Variants in CNTN5 observed in about 807,000 individuals in gnomAD.
CNTN5 encodes contactin-5.
In CNTN5, 77 loss-of-function variants were observed where a neutral mutation model predicts 129.1. The ratio of observed to expected loss-of-function variants is 0.60; its 90% CI spans 0.50 to 0.72. CNTN5 has a LOEUF of 0.72. Among genes scored for constraint, CNTN5 ranks in the 30% least tolerant of loss-of-function variants. CNTN5 has a pLI of 0.00. For missense variants in CNTN5, 1,478 were observed against 1,328.8 expected, an observed-to-expected ratio of 1.11 and a Z score of -1.75; for synonymous variants, 509 against 465.6, an observed-to-expected ratio of 1.09 and a Z score of -1.20.
intron 3 of CNTN5, among the ~76,000 whole-genome samples, chr11:99,603,494 G>T: frequency 6.0e-5 from 1 of 16,696 alleles, no homozygotes; most frequent in Non-Finnish European, 1.1e-4. Context: ...AAAGTGATGT[G>T]GAGAATGGAA....
At chr11:99,177,226 C>G (rs1040066850) in intron 1 of CNTN5, among the ~76,000 whole-genome samples, 1 of 152,138 alleles carries the variant, frequency 6.6e-6, no homozygotes, top group African/African-American at 2.4e-5. Context: ...TACTTCTGGT[C>G]CCTTCCTTGC....
intron 2 of CNTN5, among the ~76,000 whole-genome samples, chr11:99,458,606 C>A (rs1278875598): frequency 6.6e-6 from 1 of 151,888 alleles, no homozygotes; most frequent in South Asian, 2.1e-4. Flanking sequence ...CTCTGAAAAC[C>A]GATTTCCTTA....
At chr11:99,406,895 G>T (rs1335402961) in intron 2 of CNTN5, among the ~76,000 whole-genome samples, 1 of 152,082 alleles carries the variant, frequency 6.6e-6, no homozygotes, top group Non-Finnish European at 1.5e-5. Context: ...TGGCCCAAGG[G>T]CTCTTTATTC....
chr11:99,462,338 T>C (rs1370286095), intron 2 of CNTN5, among the ~76,000 whole-genome samples: 1 of 138,474 alleles, frequency 7.2e-6, no homozygotes, highest in South Asian at 2.4e-4. Flanking sequence ...TCTTTCTTTT[T>C]TTTCTTTTTT....
chr11:99,116,647 ATAGAG>A (rs1858060327), intron 1 of CNTN5, among the ~76,000 whole-genome samples: 1 of 152,196 alleles, frequency 6.6e-6, no homozygotes, highest in Non-Finnish European at 1.5e-5. Flanking sequence ...GAATGAGTTT[ATAGAG>A]TAGAGGGACA....
intron 2 of CNTN5, among the ~76,000 whole-genome samples, chr11:99,416,304 G>A (rs1319397780): frequency 6.6e-6 from 1 of 151,812 alleles, no homozygotes; most frequent in Non-Finnish European, 1.5e-5. Context: ...TTGAGACAAG[G>A]TTTTGTTCTG....
At chr11:99,279,064 A>G (rs1863578461) in intron 1 of CNTN5, among the ~76,000 whole-genome samples, 1 of 151,826 alleles carries the variant, frequency 6.6e-6, no homozygotes. Flanking sequence ...ATAAAAACAT[A>G]TACTTTGCGA....
intron 2 of CNTN5, among the ~76,000 whole-genome samples, chr11:99,359,938 T>C (rs1207122016): frequency 2.0e-5 from 3 of 152,188 alleles, no homozygotes; most frequent in African/African-American, 7.2e-5. Flanking sequence ...TCAAAGTACA[T>C]GAGGGGATGG....
chr11:100,355,909 C>T (rs1952511912), intron 24 of CNTN5, among the ~76,000 whole-genome samples: 1 of 151,616 alleles, frequency 6.6e-6, no homozygotes, highest in Non-Finnish European at 1.5e-5. Flanking sequence ...ATGACATCAC[C>T]TTTTCAATAC....
intron 21 of CNTN5, among the ~76,000 whole-genome samples, chr11:100,333,185 G>GA: frequency 6.6e-6 from 1 of 151,760 alleles, no homozygotes; most frequent in Non-Finnish European, 1.5e-5. Context: ...TACAATAGCT[G>GA]AAAAAAATAA....
At chr11:100,115,373 A>G (rs1033676167) in intron 13 of CNTN5, among the ~76,000 whole-genome samples, 1 of 152,126 alleles carries the variant, frequency 6.6e-6, no homozygotes, top group African/African-American at 2.4e-5. Context: ...ACATTTATTG[A>G]GTGACTATTA....
chr11:99,761,822 T>C (rs1476346180), intron 3 of CNTN5, among the ~76,000 whole-genome samples: 1 of 100,506 alleles, frequency 9.9e-6, no homozygotes, highest in African/African-American at 3.7e-5. Flanking sequence ...TAGTTCTAGA[T>C]CCCTGAGGAA....
chr11:100,055,983 C>T (rs991930383), intron 9 of CNTN5, among the ~76,000 whole-genome samples: 8 of 151,586 alleles, frequency 5.3e-5, no homozygotes, highest in Non-Finnish European at 1.0e-4. Flanking sequence ...CTCCCTTCCT[C>T]TCAGTGCCTC....
intron 16 of CNTN5, among the ~76,000 whole-genome samples, chr11:100,239,423 C>A (rs1439120423): frequency 6.6e-6 from 1 of 151,998 alleles, no homozygotes. Context: ...TAATAGTCAT[C>A]AGGTTTATAT....
At chr11:99,112,251 C>T (rs1162193748) in intron 1 of CNTN5, among the ~76,000 whole-genome samples, 2 of 151,838 alleles carry the variant, frequency 1.3e-5, no homozygotes, top group South Asian at 2.1e-4. Flanking sequence ...ATGTAATAAA[C>T]GTCTATTATA....
intron 3 of CNTN5, among the ~76,000 whole-genome samples, chr11:99,671,848 C>G (rs1953058238): frequency 6.6e-6 from 1 of 152,148 alleles, no homozygotes; most frequent in Non-Finnish European, 1.5e-5. Context: ...AATACACCCT[C>G]TCCAAGTTAA....
At chr11:100,030,339 C>T (rs912671258) in intron 9 of CNTN5, among the ~76,000 whole-genome samples, 1 of 152,186 alleles carries the variant, frequency 6.6e-6, no homozygotes, top group African/African-American at 2.4e-5. Context: ...ATTATTCAGT[C>T]ACTGCAGCCT....
At chr11:99,987,801 C>A (rs1938788283) in intron 8 of CNTN5, among the ~76,000 whole-genome samples, 1 of 151,992 alleles carries the variant, frequency 6.6e-6, no homozygotes. Flanking sequence ...AACTCCTTGC[C>A]TTTTATTTAA....
intron 2 of CNTN5, among the ~76,000 whole-genome samples, chr11:99,480,155 G>A (rs117571369): frequency 0.019 from 2,875 of 152,236 alleles, 40 homozygotes; most frequent in Middle Eastern, 0.062. Context: ...ATATGATGGA[G>A]TGTTAGTTGT....
Sources: allele counts gnomAD v4.1 joint callset (sites outside exome capture counted in the v4.1 genomes callset), GRCh38; gene constraint gnomAD v4.1.1; transcripts MANE v1.5; gene names NCBI Gene and HGNC (gene_info 2026-07-23, HGNC 2026-07-21).